TNRC18: variants seen among roughly 807,000 people sequenced by gnomAD.
The protein encoded by TNRC18 is trinucleotide repeat containing 18.
TNRC18 carries 69 observed loss-of-function variants against 226.7 expected under a neutral mutation model. That is an observed-to-expected ratio of 0.30 (90% CI 0.25 to 0.37). The LOEUF (loss-of-function observed/expected upper bound fraction) is 0.37. Among genes scored for constraint, TNRC18 ranks in the 10% least tolerant of loss-of-function variants. The pLI is 1.00. For missense variants in TNRC18, 4,754 were observed against 4,256.6 expected, an observed-to-expected ratio of 1.12 and a Z score of -3.25; for synonymous variants, 2,449 against 1,927.6, an observed-to-expected ratio of 1.27 and a Z score of -7.09.
chr7:5,354,965 G>T lies in TNRC18; in HGVS notation c.5194+1951C>A, dbSNP rs530229916. Among the ~76,000 whole-genome samples the T allele has an allele frequency of 2.0e-5, 3 of 152,204 alleles. No individual in the cohort carries two copies. In the East Asian group the frequency reaches 5.8e-4, roughly 29 times the overall value. ...TTGACAGTCAAACTCCCCCTTCTCC[G>T]CCCATGAACCGGCCAGAGCCAATCA... On this transcript the variant is annotated intron_variant, in intron 16 of 29. Transcript: ENST00000430969.
chr7:5,415,026 T>C (rs1258538909), intron 2 of TNRC18, among the ~76,000 whole-genome samples: 2 of 152,166 alleles, frequency 1.3e-5, no homozygotes, highest in East Asian at 3.8e-4. Context: ...TTCTGTGAAA[T>C]GTCCCTCAAT....
rs1794041705 is a variant in TNRC18, at chr7:5,370,516, G to C, written c.4078C>G (p.Pro1360Ala). 1 of 1,600,046 alleles carries C rather than the reference G, an allele frequency of 6.2e-7. No individual in the cohort carries two copies. The highest frequency in any genetic ancestry group is 8.5e-7 in the Non-Finnish European group (1 of 1,173,638). Residue 1360 changes from proline (P) to alanine (A), a missense_variant, in exon 11 of 30, where the codon CCG becomes GCG. Physicochemically the swap from Pro to Ala is conservative, Grantham distance 27. Transcript: ENST00000430969. The stretch of plus-strand genomic sequence containing the variant: ...AAGGCCTGGGCTCCAGCAGCACCCG[G>C]GGAGGGCAGAGGCCTGGCCTGGGGC... ...ELPQARPLPS[P>A]GAAGAQALEK...
In TNRC18 at chr7:5,394,350, G is replaced by T; in HGVS notation, c.343+90C>A. ...CCTGGGACCCACCAGCCCCAGCTCA[G>T]CGATGACAACAGAGGGGCACATGAA... On this transcript the variant is annotated intron_variant, in intron 3 of 29. Transcript: ENST00000430969. The surrounding 1 kb of genome is among the most constrained non-coding windows in gnomAD (Gnocchi z 4.5). 3 of 1,285,350 alleles carry T rather than the reference G, an allele frequency of 2.3e-6. No individual in the cohort carries two copies. The highest frequency in any genetic ancestry group is 3.1e-6 in the Non-Finnish European group (3 of 968,380). The allele number at this position is 1,285,350 out of a possible 1,614,324, so 79.6% of individuals were successfully genotyped here. A position where few individuals can be genotyped will look rare whatever the true frequency, so the allele number is the denominator to read the frequency against.
chr7:5,359,270 T>C, intron 15 of TNRC18, 128 bp downstream of exon 15: 2 of 975,418 alleles, frequency 2.1e-6, no homozygotes, highest in Non-Finnish European at 1.6e-6. Flanking sequence ...CATTCCGGCA[T>C]TGAAGACAAC....
At chr7:5,319,631 C>T (rs1788154029) in intron 24 of TNRC18, among the ~76,000 whole-genome samples, 1 of 152,182 alleles carries the variant, frequency 6.6e-6, no homozygotes, top group South Asian at 2.1e-4. Context: ...GCCTCAGCCT[C>T]CCAAGTAGCT....
chr7:5,363,644 C>A (rs994886854), intron 11 of TNRC18, among the ~76,000 whole-genome samples: 1 of 152,064 alleles, frequency 6.6e-6, no homozygotes, highest in Admixed American at 6.6e-5. Flanking sequence ...GAAGGCAGCA[C>A]GCCTGGCACA....
At chr7:5,383,161 C>G (rs1779517032) in intron 5 of TNRC18, among the ~76,000 whole-genome samples, 1 of 152,186 alleles carries the variant, frequency 6.6e-6, no homozygotes, top group Non-Finnish European at 1.5e-5. Context: ...CCTTGGCCTC[C>G]CAAAGAGCTG....
At chr7:5,423,349 C>G (rs79095990) in intron 1 of TNRC18, 92 bp downstream of exon 1, 40,355 of 152,076 alleles carry the variant, frequency 0.27, 6,655 homozygotes, top group Admixed American at 0.36. Context: ...CCCCCGCGCA[C>G]CCCGAGGGGC....
chr7:5,342,105 C>T (rs1428628675), intron 18 of TNRC18, among the ~76,000 whole-genome samples: 1 of 152,104 alleles, frequency 6.6e-6, no homozygotes, highest in Non-Finnish European at 1.5e-5. Context: ...TGGATCTGGG[C>T]AAAGTAAATG....
intron 11 of TNRC18, among the ~76,000 whole-genome samples, chr7:5,365,239 G>C (rs1444877680): frequency 5.3e-5 from 8 of 152,244 alleles, no homozygotes; most frequent in Non-Finnish European, 1.0e-4. Flanking sequence ...AGCCTCCTGA[G>C]TAGCTGGGAC....
At chr7:5,351,715 C>G (rs1791833232) in intron 17 of TNRC18, 104 bp downstream of exon 17, 9 of 1,345,158 alleles carry the variant, frequency 6.7e-6, no homozygotes, top group Non-Finnish European at 9.0e-6. Flanking sequence ...CGGGCCTCCT[C>G]ACCCACCATC....
At chr7:5,375,107 C>A (rs191610192) in intron 9 of TNRC18, among the ~76,000 whole-genome samples, 31 of 152,256 alleles carry the variant, frequency 2.0e-4, no homozygotes, top group Non-Finnish European at 4.1e-4. Context: ...GCCAGGAAGA[C>A]CAGCCTGGCC....
intron 11 of TNRC18, among the ~76,000 whole-genome samples, chr7:5,365,005 G>A (rs1793472412): frequency 6.8e-6 from 1 of 147,974 alleles, no homozygotes; most frequent in Non-Finnish European, 1.5e-5. Flanking sequence ...ACGTGCAAAG[G>A]AGCCTACGCA....
rs1282267716 is a variant in TNRC18 at position 5,351,853 on chromosome 7, G to A, written c.5436C>T (p.Ser1812=). 1.2e-6 allele frequency: 2 copies of A among 1,606,150 alleles called. No individual in the cohort carries two copies. Among genetic ancestry groups the A allele is most frequent in the Admixed American group, 3.5e-5 (2 of 57,794 alleles). Residue 1812 remains serine, a synonymous_variant, in exon 17 of 30, where the codon TCC becomes TCT. Coordinates refer to ENST00000430969, the MANE Select transcript of TNRC18 (RefSeq NM_001080495.3). The part of the protein sequence containing the change: ...LLLREAEARS[S]FSDSSEESFD... Reference sequence around the variant, plus strand: ...ACGATTCCTCCGAAGAGTCGCTGAAGGAGGAACGCGCCTCGGCCTCTCGAA... The same window carrying A: ...ACGATTCCTCCGAAGAGTCGCTGAAAGAGGAACGCGCCTCGGCCTCTCGAA...
intron 15 of TNRC18, among the ~76,000 whole-genome samples, chr7:5,357,931 C>T (rs1033596482): frequency 6.6e-6 from 1 of 152,220 alleles, no homozygotes; most frequent in African/African-American, 2.4e-5. Flanking sequence ...TGTGGTTACA[C>T]TGATCGCTGG....
rs1348126333 is a variant in TNRC18 at position 5,370,735 on chromosome 7, A to C, written c.3859T>G (p.Ser1287Ala). The change falls in exon 11 of 30, where the codon TCC becomes GCC. Residue 1287 changes from serine (S) to alanine (A), a missense_variant. By Grantham distance (99) the Ser-to-Ala change is moderately conservative (BLOSUM62 1). Coordinates refer to ENST00000430969, the MANE Select transcript of TNRC18 (RefSeq NM_001080495.3). ...EGLAQVAPSE[S>A]QPTLEMSDCD... Reference sequence around the variant, plus strand: ...TCTGACATTTCTAGGGTGGGCTGGGACTCGCTCGGTGCCACCTGCGCCAGG... The same window carrying C: ...TCTGACATTTCTAGGGTGGGCTGGGCCTCGCTCGGTGCCACCTGCGCCAGG... 1 of 1,605,244 alleles carries C rather than the reference A, an allele frequency of 6.2e-7. No individual in the cohort carries two copies. The highest frequency in any genetic ancestry group is 1.1e-5 in the South Asian group (1 of 89,958).
chr7:5,375,284 G>A (rs1794548324), intron 9 of TNRC18, among the ~76,000 whole-genome samples: 1 of 152,062 alleles, frequency 6.6e-6, no homozygotes, highest in Admixed American at 6.6e-5. Flanking sequence ...ACTCCAGCCT[G>A]GGCGACAGAG....
chr7:5,315,324 G>A (rs1438891086), intron 25 of TNRC18, among the ~76,000 whole-genome samples, 176 bp from the exon 26 acceptor site: 2 of 152,242 alleles, frequency 1.3e-5, no homozygotes, highest in Non-Finnish European at 2.9e-5. Context: ...AACCCCGTCT[G>A]CAGGGAGCAG....
chr7:5,389,335 G>T lies in TNRC18; in HGVS notation c.489C>A (p.Asp163Glu). The change falls in exon 5 of 30, where the codon GAC becomes GAA. Residue 163 changes from aspartate (D) to glutamate (E), a missense_variant and splice_region_variant. By Grantham distance (45) the Asp-to-Glu change is conservative. Coordinates refer to ENST00000430969, the MANE Select transcript of TNRC18 (RefSeq NM_001080495.3). ...CCCCCGCGGTGGGCAGGTAGAAACC[G>T]TCTGCGGAGAAGGGAACAGCAGGCA... Reference protein sequence around the residue: ...DTQKGQGPGGDGFYLPTAGAP... With the variant: ...DTQKGQGPGGEGFYLPTAGAP... 7.8e-7 allele frequency: 1 copy of T among 1,277,408 alleles called. No individual in the cohort carries two copies. Among genetic ancestry groups the T allele is most frequent in the Non-Finnish European group, 9.9e-7 (1 of 1,012,334 alleles). 79.1% of individuals were successfully genotyped at this position (1,277,408 alleles called of 1,614,324 possible). A position where few individuals can be genotyped will look rare whatever the true frequency, so the allele number is the denominator to read the frequency against.
Sources: gnomAD v4.1 joint callset for allele counts (sites outside exome capture counted in the v4.1 genomes callset) on GRCh38, gnomAD v4.1.1 for gene constraint, Gnocchi (gnomAD v3.1) non-coding constraint, MANE v1.5 for transcripts, NCBI Gene and HGNC (gene_info 2026-07-23, HGNC 2026-07-21) for gene names.